Variants in ZFAT observed in about 807,000 individuals in gnomAD.
The protein encoded by ZFAT is zinc finger and AT-hook domain containing.
In ZFAT, 64 loss-of-function variants were observed where a neutral mutation model predicts 117.7. The observed-to-expected ratio is 0.54, with a 90% confidence interval of 0.44 to 0.67. The LOEUF is 0.67. ZFAT is among the 30% of genes least tolerant of loss of function. The pLI, the probability that ZFAT is intolerant of heterozygous loss-of-function variation, is 0.00. For synonymous variants in ZFAT, 679 were observed against 615.0 expected, an observed-to-expected ratio of 1.10 and a Z score of -1.54; for missense variants, 1,433 against 1,584.5, an observed-to-expected ratio of 0.90 and a Z score of 1.62.
At chr8:134,724,450 T>G in the ZFAT span, among the ~76,000 whole-genome samples, 1 of 152,100 alleles carries the variant, frequency 6.6e-6, no homozygotes, top group African/African-American at 2.4e-5. Context: ...TCCTAGGAGT[T>G]TGGGGCCAGT....
rs367762722 is a variant in ZFAT, at chr8:134,478,729, A to C, written c.3493-8T>G. On this transcript the variant is annotated splice_polypyrimidine_tract_variant and splice_region_variant and intron_variant, in intron 15 of 15. Transcript: ENST00000377838. This position sits in a 1 kb window ranked among gnomAD's most constrained non-coding sequence, Gnocchi z 5.2. ...GGGCTCCTCCTCGGTGACCTGCGGG[A>C]GGAGGGCAAGAGAAAGGTCACCCAG... 7.0e-4 allele frequency: 1,087 copies of C among 1,549,938 alleles called. No individual in the cohort carries two copies. Among genetic ancestry groups the C allele is most frequent in the Non-Finnish European group, 8.2e-4 (942 of 1,146,310 alleles).
the ZFAT span, among the ~76,000 whole-genome samples, chr8:134,803,334 C>T: frequency 6.6e-6 from 1 of 152,184 alleles, no homozygotes; most frequent in African/African-American, 2.4e-5. Flanking sequence ...CCACAGAACA[C>T]ATTACATTCT....
chr8:134,533,518 C>T (rs1821590611), intron 11 of ZFAT, among the ~76,000 whole-genome samples: 1 of 152,198 alleles, frequency 6.6e-6, no homozygotes, highest in Admixed American at 6.5e-5. Flanking sequence ...TAAGAATTTG[C>T]TTAAGGACAC....
intron 15 of ZFAT, among the ~76,000 whole-genome samples, chr8:134,503,936 A>ACACG (rs1329972291): frequency 1.4e-5 from 2 of 145,026 alleles, no homozygotes; most frequent in African/African-American, 4.9e-5. Flanking sequence ...ACACACACGC[A>ACACG]CACGCACACG....
At chr8:134,714,923 C>G (rs1237356188), upstream of ZFAT, among the ~76,000 whole-genome samples, 1 of 152,186 alleles carries the variant, frequency 6.6e-6, no homozygotes, top group African/African-American at 2.4e-5. Flanking sequence ...ACCACGTCCT[C>G]CACCACAAGA....
At chr8:134,522,127 C>G (rs372326006) in intron 12 of ZFAT, among the ~76,000 whole-genome samples, 13 of 152,240 alleles carry the variant, frequency 8.5e-5, no homozygotes, top group African/African-American at 3.1e-4. Context: ...CCACACTCTC[C>G]GCTAAGTCCT....
chr8:134,765,721 A>AT, the ZFAT span: 1 of 150,230 alleles, frequency 6.7e-6, no homozygotes, highest in Non-Finnish European at 1.5e-5. Flanking sequence ...AAAAAAAAAA[A>AT]GTCTATGGCT....
intron 15 of ZFAT, among the ~76,000 whole-genome samples, chr8:134,494,703 C>A (rs1224508027): frequency 1.3e-5 from 2 of 152,230 alleles, no homozygotes; most frequent in Admixed American, 1.3e-4. Context: ...AAAAACCAAA[C>A]TCCCAGGAAT....
chr8:134,553,323 T>C (rs1247484403), intron 11 of ZFAT, among the ~76,000 whole-genome samples: 1 of 152,110 alleles, frequency 6.6e-6, no homozygotes, highest in East Asian at 1.9e-4. Flanking sequence ...GCCAAGATGG[T>C]GAAACCCCAT....
chr8:134,739,600 A>G, the ZFAT span, among the ~76,000 whole-genome samples: 1 of 152,202 alleles, frequency 6.6e-6, no homozygotes, highest in African/African-American at 2.4e-5. Context: ...ACCACACTCT[A>G]CAATGAGATG....
chr8:134,784,921 G>C, the ZFAT span: 1 of 151,976 alleles, frequency 6.6e-6, no homozygotes, highest in Non-Finnish European at 1.5e-5. Context: ...AAGCAATTCA[G>C]TCTTCTCCCA....
At chr8:134,515,617 A>G (rs537748383) in intron 13 of ZFAT, among the ~76,000 whole-genome samples, 14 of 152,280 alleles carry the variant, frequency 9.2e-5, no homozygotes, top group African/African-American at 3.4e-4. Flanking sequence ...TCTTTTGAGA[A>G]GTATCTGTTC....
At chr8:134,801,462 T>C in the ZFAT span, among the ~76,000 whole-genome samples, 1 of 152,176 alleles carries the variant, frequency 6.6e-6, no homozygotes, top group Non-Finnish European at 1.5e-5. Context: ...ACTTTAAAAA[T>C]CTTTGGCATT....
Position 134,698,310 on chromosome 8 carries a change from C to A in ZFAT, c.19+14535G>T, listed in dbSNP as rs138352524. On this transcript the variant is annotated intron_variant, in intron 1 of 15. Coordinates refer to ENST00000377838, the MANE Select transcript of ZFAT (RefSeq NM_020863.4). ...CTTCACTCCAGCCTGGGTGAAGGAG[C>A]GAGACTCCATCTCAAAAAAAAAAAA... 5.6e-3 allele frequency among the ~76,000 whole-genome samples: 681 copies of A among 122,024 alleles called. 5 individuals carry two copies. Among genetic ancestry groups the A allele is most frequent in the African/African-American group, 0.021 (634 of 30,702 alleles). The allele number at this position is 122,024 out of a possible 152,430, so 80.1% of individuals were successfully genotyped here.
At chr8:134,532,504 T>G (rs985995484) in intron 12 of ZFAT, among the ~76,000 whole-genome samples, 4 of 152,212 alleles carry the variant, frequency 2.6e-5, no homozygotes, top group African/African-American at 9.6e-5. Context: ...ACAACCGAAC[T>G]TTCATCTCTG....
intron 7 of ZFAT, among the ~76,000 whole-genome samples, chr8:134,590,572 C>T (rs28569271): frequency 0.012 from 1,748 of 151,278 alleles, 28 homozygotes; most frequent in African/African-American, 0.04. Flanking sequence ...ACTACTACCA[C>T]CATCATCACC....
the ZFAT span, among the ~76,000 whole-genome samples, chr8:134,729,683 A>G: frequency 6.6e-6 from 1 of 152,086 alleles, no homozygotes; most frequent in East Asian, 1.9e-4. Context: ...GCTCCCTGTT[A>G]CTACACCTGA....
chr8:134,799,730 G>A, the ZFAT span, among the ~76,000 whole-genome samples: 4 of 152,216 alleles, frequency 2.6e-5, no homozygotes, highest in South Asian at 8.3e-4. Context: ...AAAATTCTTT[G>A]CCACTATATT....
chr8:134,767,499 T>C, the ZFAT span, among the ~76,000 whole-genome samples: 1 of 152,310 alleles, frequency 6.6e-6, no homozygotes, highest in East Asian at 1.9e-4. Context: ...ATTCCATCAT[T>C]TTACTTTCAA....
Sources: gnomAD v4.1 joint callset for allele counts (sites outside exome capture counted in the v4.1 genomes callset) on GRCh38, gnomAD v4.1.1 for gene constraint, Gnocchi (gnomAD v3.1) non-coding constraint, MANE v1.5 for transcripts, NCBI Gene and HGNC (gene_info 2026-07-23, HGNC 2026-07-21) for gene names.